CEMIP: variants seen among roughly 807,000 people sequenced by gnomAD.
CEMIP encodes cell migration inducing hyaluronidase 1.
In CEMIP, 105 loss-of-function variants were observed where a neutral mutation model predicts 156.9. The observed-to-expected ratio is 0.67, with a 90% CI of 0.57 to 0.79. The LOEUF is 0.79. Ranked by LOEUF, CEMIP falls within the 30% of genes least tolerant of loss-of-function variation. CEMIP has a pLI of 0.00. For synonymous variants in CEMIP, 676 were observed against 668.4 expected (o/e 1.01, Z -0.17); for missense variants, 1,457 against 1,769.4 (o/e 0.82, Z 3.17).
intron 21 of CEMIP, among the ~76,000 whole-genome samples, 184 bp from the exon 22 acceptor site, chr15:80,931,675 T>A (rs1054334703): frequency 6.6e-6 from 1 of 152,114 alleles, no homozygotes; most frequent in Non-Finnish European, 1.5e-5. Context: ...AATAATTAAT[T>A]AATAATGATC....
At chr15:80,908,984 TA>T in intron 13 of CEMIP, 112 bp from the exon 14 acceptor site, 1 of 982,020 alleles carries the variant, frequency 1.0e-6, no homozygotes, top group Non-Finnish European at 1.6e-6. Flanking sequence ...TACTGAGTAC[TA>T]AGTGGAGACT....
At chr15:80,889,406 C>T in intron 9 of CEMIP, 65 bp from the exon 10 acceptor site, 1 of 1,611,180 alleles carries the variant, frequency 6.2e-7, no homozygotes, top group Non-Finnish European at 8.5e-7. Context: ...TTGGAGACAA[C>T]ACTGAGTGTG....
chr15:80,820,338 G>A (rs1232329016), intron 1 of CEMIP, among the ~76,000 whole-genome samples: 2 of 152,198 alleles, frequency 1.3e-5, no homozygotes, highest in Non-Finnish European at 2.9e-5. Context: ...GCAGAGCCCA[G>A]TATTCCTTTG....
chr15:80,884,489 C>A, intron 7 of CEMIP, 135 bp downstream of exon 7: 1 of 884,452 alleles, frequency 1.1e-6, no homozygotes, highest in Non-Finnish European at 1.9e-6. Flanking sequence ...CAGGCATTTG[C>A]ATTTGACATC....
intron 14 of CEMIP, among the ~76,000 whole-genome samples, chr15:80,912,181 G>A (rs1900095599): frequency 1.3e-5 from 2 of 152,204 alleles, no homozygotes; most frequent in Admixed American, 1.3e-4. Flanking sequence ...ATGAAGATAG[G>A]CTGGGGGAGT....
chr15:80,942,015 G>C lies in CEMIP; in HGVS notation c.3574G>C (p.Asp1192His). The C allele has an allele frequency of 1.2e-6, 2 of 1,613,828 alleles. No individual in the cohort carries two copies. The highest frequency in any genetic ancestry group is 1.7e-6 in the Non-Finnish European group (2 of 1,179,964). ...YPKFTERAVV[D>H]VPMPKKLFGS... The stretch of plus-strand genomic sequence containing the variant: ...CAAGTTCACCGAGAGGGCTGTCGTA[G>C]ACGTGCCGATGCCCAAGAAGCTCTT... Residue 1192 changes from aspartate (D) to histidine (H), a missense_variant, in exon 26 of 30, where the codon GAC (aspartate) becomes CAC (histidine). Physicochemically the swap from Asp to His is moderately conservative, Grantham distance 81. Around this residue, in one of 5 missense-constraint regions of CEMIP, gnomAD observed 798 missense variants for 980.1 expected, o/e 0.81. Coordinates refer to ENST00000394685, the MANE Select transcript of CEMIP (RefSeq NM_001293298.2).
At chr15:80,785,871 G>A (rs1409888890) in intron 1 of CEMIP, among the ~76,000 whole-genome samples, 2 of 152,168 alleles carry the variant, frequency 1.3e-5, no homozygotes, top group African/African-American at 4.8e-5. Context: ...ATGTGCATAA[G>A]CTCCCTTACC....
chr15:80,895,111 G>A lies in CEMIP; in HGVS notation c.1208G>A (p.Cys403Tyr), dbSNP rs1899171627. 1 of 1,614,098 alleles carries A rather than the reference G, an allele frequency of 6.2e-7. No homozygotes were observed. Among genetic ancestry groups the A allele is most frequent in the African/African-American group, 1.3e-5 (1 of 74,938 alleles). ...CGGAGCTACCGTGTACGGTTCCTCT[G>A]TGGGAAGCCTGGTAAGCAGCCCCTT... ...ACRSYRVRFL[C>Y]GKPVRPKLTV... The change falls in exon 11 of 30, where the codon TGT becomes TAT. Residue 403 changes from cysteine to tyrosine, a missense_variant. Cys to Tyr is a radical substitution (Grantham distance 194). Transcript: ENST00000394685.
chr15:80,818,319 G>A (rs553529501), intron 1 of CEMIP, among the ~76,000 whole-genome samples: 210 of 152,292 alleles, frequency 1.4e-3, no homozygotes, highest in Non-Finnish European at 2.4e-3. Flanking sequence ...CTTCACTTGT[G>A]TGACATATGT....
rs1901693236 is a variant in CEMIP at position 80,948,957 on chromosome 15, G to T, written c.*33G>T. 3.1e-6 allele frequency: 5 copies of T among 1,613,710 alleles called. No homozygotes were observed. The highest frequency in any genetic ancestry group is 3.4e-6 in the Non-Finnish European group (4 of 1,179,816). ...TGCCGCCCGGTGCCACCTCGTGGTA[G>T]ACTATGACGGTGACTCTTGGCAGCA... On this transcript the variant is annotated 3_prime_UTR_variant, in exon 30 of 30. Coordinates refer to ENST00000394685, the MANE Select transcript of CEMIP (RefSeq NM_001293298.2).
chr15:80,821,522 G>A (rs7168261), intron 1 of CEMIP, among the ~76,000 whole-genome samples: 7 of 152,020 alleles, frequency 4.6e-5, no homozygotes, highest in Non-Finnish European at 1.0e-4. Flanking sequence ...CATCAACCAG[G>A]TGAAAATAAT....
At chr15:80,811,993 G>A (rs1184504327) in intron 1 of CEMIP, among the ~76,000 whole-genome samples, 1 of 152,034 alleles carries the variant, frequency 6.6e-6, no homozygotes, top group Non-Finnish European at 1.5e-5. Flanking sequence ...TTGACTCCAC[G>A]TCCCGGTTTG....
At chr15:80,886,043 C>A (rs1898826070) in intron 7 of CEMIP, among the ~76,000 whole-genome samples, 2 of 152,172 alleles carry the variant, frequency 1.3e-5, no homozygotes, top group South Asian at 4.2e-4. Context: ...TGAACACATA[C>A]TGGTGGGAGG....
intron 4 of CEMIP, 132 bp from the exon 5 acceptor site, chr15:80,879,584 A>C: frequency 9.8e-7 from 1 of 1,020,208 alleles, no homozygotes; most frequent in Non-Finnish European, 1.5e-6. Flanking sequence ...CAAGCATAGG[A>C]ATGTTTGGAA....
At chr15:80,815,512 TA>T (rs1449795559) in intron 1 of CEMIP, among the ~76,000 whole-genome samples, 1 of 152,194 alleles carries the variant, frequency 6.6e-6, no homozygotes, top group Non-Finnish European at 1.5e-5. Context: ...ATTCAATGGA[TA>T]TTCTTTTCTT....
At chr15:80,920,394 A>C (rs868016599) in intron 15 of CEMIP, 95 bp downstream of exon 15, 2 of 1,186,372 alleles carry the variant, frequency 1.7e-6, no homozygotes, top group Middle Eastern at 2.1e-4. Flanking sequence ...AGACTTCTGC[A>C]CTTCGGGGCT....
At chr15:80,931,723 T>C in intron 21 of CEMIP, 136 bp from the exon 22 acceptor site, 1 of 768,114 alleles carries the variant, frequency 1.3e-6, no homozygotes, top group Non-Finnish European at 2.3e-6. Context: ...GGATCAGGAA[T>C]GGTTTTACCC....
At chr15:80,900,228 G>A (rs1428963839) in intron 12 of CEMIP, among the ~76,000 whole-genome samples, 1 of 152,184 alleles carries the variant, frequency 6.6e-6, no homozygotes, top group East Asian at 1.9e-4. Flanking sequence ...AGCCTACAGT[G>A]GGGTTGGGGT....
intron 1 of CEMIP, among the ~76,000 whole-genome samples, chr15:80,787,284 G>C (rs1895964521): frequency 6.6e-6 from 1 of 152,254 alleles, no homozygotes; most frequent in Admixed American, 6.5e-5. Flanking sequence ...AGTAAGGCTT[G>C]TTCAGTCTAG....
Sources: gnomAD v4.1 joint callset for allele counts (sites outside exome capture counted in the v4.1 genomes callset) on GRCh38, gnomAD v4.1.1 for gene constraint, gnomAD v4.1.1 regional missense constraint, MANE v1.5 for transcripts, NCBI Gene and HGNC (gene_info 2026-07-23, HGNC 2026-07-21) for gene names.